Variants in PSMA1 observed in about 807,000 individuals in gnomAD.
PSMA1 encodes proteasome subunit alpha type-1.
A neutral mutation model predicts 38.4 loss-of-function variants in PSMA1; 3 were observed. That is an observed-to-expected ratio of 0.08 (90% CI 0.04 to 0.20). The LOEUF (loss-of-function observed/expected upper bound fraction) is 0.20. PSMA1 is among the 10% of genes least tolerant of loss of function. PSMA1 has a pLI of 1.00. For missense variants in PSMA1, 227 were observed against 325.3 expected, an observed-to-expected ratio of 0.70 and a Z score of 2.32; for synonymous variants, 101 against 107.1, an observed-to-expected ratio of 0.94 and a Z score of 0.35.
intron 2 of PSMA1, among the ~76,000 whole-genome samples, chr11:14,546,914 AGAGG>A (rs1302353367): frequency 6.6e-6 from 1 of 152,208 alleles, no homozygotes; most frequent in Non-Finnish European, 1.5e-5. Context: ...TCTTCAATTT[AGAGG>A]GGTGCTTACC....
intron 2 of PSMA1, among the ~76,000 whole-genome samples, chr11:14,533,700 G>A (rs920625446): frequency 6.6e-6 from 1 of 151,400 alleles, no homozygotes; most frequent in East Asian, 2.0e-4. Context: ...TTACAGGCAT[G>A]AGCCACTGAG....
intron 2 of PSMA1, among the ~76,000 whole-genome samples, chr11:14,578,661 T>C (rs1355015645): frequency 6.6e-6 from 1 of 152,208 alleles, no homozygotes; most frequent in Non-Finnish European, 1.5e-5. Flanking sequence ...CCATTCAGTT[T>C]CGTCAGTCAG....
upstream of PSMA1, among the ~76,000 whole-genome samples, chr11:14,522,340 C>T (rs1851540551): frequency 6.6e-6 from 1 of 152,128 alleles, no homozygotes; most frequent in South Asian, 2.1e-4. Flanking sequence ...TATTCTTGTA[C>T]ATACACACCT....
chr11:14,640,055 G>A (rs1194448163), intron 1 of PSMA1, among the ~76,000 whole-genome samples: 1 of 152,088 alleles, frequency 6.6e-6, no homozygotes, highest in Admixed American at 6.6e-5. Flanking sequence ...CCAGCACACC[G>A]GGCACATAAT....
intron 2 of PSMA1, among the ~76,000 whole-genome samples, chr11:14,587,081 C>T (rs1328671924): frequency 6.6e-6 from 1 of 152,142 alleles, no homozygotes; most frequent in Non-Finnish European, 1.5e-5. Flanking sequence ...AAATTAAATG[C>T]TATTTAATTT....
At chr11:14,618,121 A>G (rs1442581822) in intron 1 of PSMA1, among the ~76,000 whole-genome samples, 2 of 152,184 alleles carry the variant, frequency 1.3e-5, no homozygotes, top group East Asian at 1.9e-4. Flanking sequence ...TTTTTGAAAT[A>G]TGCCTGCTTT....
intron 2 of PSMA1, among the ~76,000 whole-genome samples, chr11:14,593,613 T>TGAGAGA (rs59225796): frequency 0.019 from 1,836 of 98,886 alleles, 59 homozygotes; most frequent in Non-Finnish European, 0.025. Flanking sequence ...GGAGGAAAAA[T>TGAGAGA]GAGAGAGAGA....
chr11:14,625,102 C>A (rs180738058), intron 1 of PSMA1, among the ~76,000 whole-genome samples: 5 of 152,242 alleles, frequency 3.3e-5, no homozygotes, highest in Admixed American at 2.0e-4. Context: ...CCTAAATTTG[C>A]ATAGAGAAGC....
chr11:14,582,125 G>T (rs984680633), intron 2 of PSMA1, among the ~76,000 whole-genome samples: 4 of 151,946 alleles, frequency 2.6e-5, no homozygotes, highest in Non-Finnish European at 5.9e-5. Flanking sequence ...AGATTTTATG[G>T]AACTGAAAGC....
chr11:14,595,253 T>A (rs1852472495), intron 2 of PSMA1, among the ~76,000 whole-genome samples: 2 of 152,212 alleles, frequency 1.3e-5, no homozygotes. Flanking sequence ...TTATTTACAA[T>A]CCTTGAGGTA....
At chr11:14,535,506 C>T (rs1192332408) in intron 2 of PSMA1, among the ~76,000 whole-genome samples, 3 of 150,236 alleles carry the variant, frequency 2.0e-5, no homozygotes, top group Admixed American at 1.3e-4. Context: ...TGCAATGGCA[C>T]GATCTCGGCT....
upstream of PSMA1, among the ~76,000 whole-genome samples, chr11:14,524,440 C>A (rs914597187): frequency 6.6e-6 from 1 of 152,242 alleles, no homozygotes; most frequent in Middle Eastern, 3.4e-3. Flanking sequence ...TGTAATCTCC[C>A]CCACCCTTAA....
chr11:14,630,259 G>C (rs1317289378), intron 1 of PSMA1, among the ~76,000 whole-genome samples: 1 of 152,156 alleles, frequency 6.6e-6, no homozygotes, highest in Non-Finnish European at 1.5e-5. Context: ...CAAAGGGAAT[G>C]CTTCCAGTTT....
intron 2 of PSMA1, among the ~76,000 whole-genome samples, chr11:14,518,719 G>A (rs891780582): frequency 1.3e-5 from 2 of 152,006 alleles, no homozygotes; most frequent in South Asian, 2.1e-4. Context: ...GGTAACCACT[G>A]TTTTACTCTC....
intron 7 of PSMA1, 26 bp downstream of exon 7, chr11:14,513,544 A>T (rs777732681): frequency 2.8e-6 from 4 of 1,418,768 alleles, no homozygotes; most frequent in Non-Finnish European, 3.7e-6. Context: ...AAAAAAAAAA[A>T]AAAAAAAAGC....
At chr11:14,637,635 A>C (rs1171448030) in intron 1 of PSMA1, among the ~76,000 whole-genome samples, 3 of 152,146 alleles carry the variant, frequency 2.0e-5, no homozygotes, top group Non-Finnish European at 4.4e-5. Context: ...ATAGGCCCTA[A>C]ATCAACATCT....
At chr11:14,537,064 C>A (rs984453817) in intron 2 of PSMA1, among the ~76,000 whole-genome samples, 5 of 152,164 alleles carry the variant, frequency 3.3e-5, no homozygotes, top group Admixed American at 6.5e-5. Context: ...TGTTTTATTT[C>A]TTTATCTTTC....
chr11:14,616,403 T>A (rs1004777488), intron 1 of PSMA1, among the ~76,000 whole-genome samples: 1 of 151,926 alleles, frequency 6.6e-6, no homozygotes, highest in African/African-American at 2.4e-5. Context: ...GGCTAATTTT[T>A]ATACTTTTAG....
chr11:14,592,392 A>T (rs920392464), intron 2 of PSMA1, among the ~76,000 whole-genome samples: 168 of 140,880 alleles, frequency 1.2e-3, no homozygotes, highest in African/African-American at 4.3e-3. Flanking sequence ...ATATATATAT[A>T]TATTTTTTTT....
Sources: allele counts gnomAD v4.1 joint callset (sites outside exome capture counted in the v4.1 genomes callset), GRCh38; gene constraint gnomAD v4.1.1; transcripts MANE v1.5; gene names NCBI Gene and HGNC (gene_info 2026-07-23, HGNC 2026-07-21).